NECTIN1: variants seen among roughly 807,000 people sequenced by gnomAD.
NECTIN1 encodes the protein nectin-1.
A neutral mutation model predicts 48.0 loss-of-function variants in NECTIN1; 23 were observed. That is an observed-to-expected ratio of 0.48 (90% CI 0.34 to 0.68). The LOEUF is 0.68. Ranked by LOEUF, NECTIN1 falls within the 30% of genes least tolerant of loss-of-function variation. The probability of loss-of-function intolerance (pLI) is 0.01; values close to 1 mark genes in which losing one functional copy is unlikely to be tolerated. For missense variants in NECTIN1, 591 were observed against 709.9 expected, an observed-to-expected ratio of 0.83 and a Z score of 1.90; for synonymous variants, 270 against 288.9, an observed-to-expected ratio of 0.93 and a Z score of 0.66.
At chr11:119,641,535 C>G (rs1864323101) in intron 5 of NECTIN1, 1 of 152,200 alleles carries the variant, frequency 6.6e-6, no homozygotes, top group African/African-American at 2.4e-5. Context: ...TCCTCTCATC[C>G]TCAGGTAGCT....
chr11:119,648,301 G>GTGGTGATGGTGGTGA lies in NECTIN1; in HGVS notation c.1004-8304_1004-8290dup, dbSNP rs1565376527. 3.9e-4 allele frequency among the ~76,000 whole-genome samples: 5 copies of GTGGTGATGGTGGTGA among 12,922 alleles called. 1 individual carries two copies. In the South Asian group the frequency reaches 0.012, roughly 30 times the overall value. The allele number at this position is 12,922 out of a possible 152,430, so 8.5% of individuals were successfully genotyped here. On this transcript the variant is annotated intron_variant, in intron 5 of 7. Coordinates refer to the NECTIN1 transcript ENST00000341398. ...GATGGTGGTGGTGATGGTGGTGGTGGTGGTGATGGTGGTGATGGTGATGGT... is the reference window on the plus strand; with the variant it reads ...GATGGTGGTGGTGATGGTGGTGGTGGTGGTGATGGTGGTGATGGTGATGGTGGTGATGGTGATGGT...
chr11:119,722,307 G>T (rs769392826), intron 1 of NECTIN1, among the ~76,000 whole-genome samples: 1 of 152,364 alleles, frequency 6.6e-6, no homozygotes, highest in South Asian at 2.1e-4. Flanking sequence ...AAAGGATTCA[G>T]TCTGTAACAG....
chr11:119,704,325 A>G (rs1332980990), intron 1 of NECTIN1, among the ~76,000 whole-genome samples: 2 of 151,972 alleles, frequency 1.3e-5, no homozygotes, highest in Non-Finnish European at 2.9e-5. Flanking sequence ...CAGGCGGGCA[A>G]TTCTCATGCC....
intron 1 of NECTIN1, among the ~76,000 whole-genome samples, chr11:119,706,607 A>G (rs565683715): frequency 5.3e-5 from 8 of 152,344 alleles, no homozygotes; most frequent in African/African-American, 1.9e-4. Flanking sequence ...GTCGATTTCA[A>G]ATAAACGGCA....
chr11:119,667,289 C>G (rs575487922), intron 5 of NECTIN1, among the ~76,000 whole-genome samples: 108 of 152,342 alleles, frequency 7.1e-4, no homozygotes, highest in Admixed American at 3.7e-3. Flanking sequence ...GCCTGCCCCC[C>G]TCCTCGGTTC....
intron 1 of NECTIN1, among the ~76,000 whole-genome samples, chr11:119,704,734 G>C (rs1191416183): frequency 6.6e-6 from 1 of 152,148 alleles, no homozygotes; most frequent in Admixed American, 6.5e-5. Context: ...CTTGGTGGAG[G>C]TGAGAATGCC....
At chr11:119,654,303 C>A (rs1195982054) in intron 5 of NECTIN1, 1 of 152,232 alleles carries the variant, frequency 6.6e-6, no homozygotes, top group Non-Finnish European at 1.5e-5. Context: ...ATCCAACCAT[C>A]CAACCCCCTC....
chr11:119,657,913 C>A (rs1000090388), downstream of NECTIN1, among the ~76,000 whole-genome samples: 4 of 122,870 alleles, frequency 3.3e-5, no homozygotes, highest in African/African-American at 1.2e-4. Flanking sequence ...AAACCAAGAC[C>A]CCGTCTCAAA....
intron 1 of NECTIN1, among the ~76,000 whole-genome samples, chr11:119,724,932 G>T (rs1266885009): frequency 2.0e-5 from 3 of 151,778 alleles, no homozygotes; most frequent in Admixed American, 1.3e-4. Context: ...TTTGTTTTTT[G>T]TTTTTTTTAA....
intron 1 of NECTIN1, chr11:119,713,627 A>G (rs1424466904): frequency 2.3e-5 from 7 of 307,260 alleles, no homozygotes; most frequent in Non-Finnish European, 4.6e-5. Context: ...CTGAACACCA[A>G]CCGCTACTCT....
chr11:119,674,995 GA>G (rs1864923011), intron 5 of NECTIN1, among the ~76,000 whole-genome samples, 163 bp downstream of exon 5: 3 of 152,204 alleles, frequency 2.0e-5, no homozygotes, highest in South Asian at 2.1e-4. Context: ...TTTAATGAAA[GA>G]AAGAGAAAAG....
exon 7 of NECTIN1, chr11:119,638,794 G>T (rs141709460): frequency 6.2e-7 from 1 of 1,613,806 alleles, no homozygotes; most frequent in African/African-American, 1.3e-5. Context: ...TCTGGGAGAG[G>T]GGCTGGTCGG....
At position 119,661,541 on chromosome 11, in the gene NECTIN1, C is replaced by A; in HGVS notation, c.*3206G>T. ...CCTGAGGCCTGGGAGCACTACCCTC[C>A]TCCCAGAAGAGGGGACATCCGTGTC... is the stretch of plus-strand genomic sequence containing the variant. On this transcript the variant is annotated 3_prime_UTR_variant, in exon 6 of 6. Coordinates refer to ENST00000264025, the MANE Select transcript of NECTIN1 (RefSeq NM_002855.5). 2.0e-6 allele frequency: 2 copies of A among 985,880 alleles called. No homozygotes were observed. The highest frequency in any genetic ancestry group is 2.4e-6 in the Non-Finnish European group (2 of 829,968). The allele number at this position is 985,880 out of a possible 1,614,324, so 61.1% of individuals were successfully genotyped here. A position where few individuals can be genotyped will look rare whatever the true frequency, so the allele number is the denominator to read the frequency against.
Position 119,683,573 on chromosome 11 carries a change from GGTGTGTGT to G in NECTIN1, c.80-4816_80-4809del, listed in dbSNP as rs66955603. ...AGAAACAGGGGCTTTGGGGATCCCG[GGTGTGTGT>G]GTGTGTGTGTGTGTGTGTGTGTGTG... is the stretch of plus-strand genomic sequence containing the variant. On this transcript the variant is annotated intron_variant, in intron 1 of 5. Coordinates refer to ENST00000264025, the MANE Select transcript of NECTIN1 (RefSeq NM_002855.5). The surrounding 1 kb of genome is among the most constrained non-coding windows in gnomAD (Gnocchi z 4.0). Among the ~76,000 whole-genome samples the G allele has an allele frequency of 4.4e-4, 63 of 143,550 alleles. No homozygotes were observed. Among genetic ancestry groups the G allele is most frequent in the Admixed American group, 1.1e-3 (16 of 14,478 alleles). 94.2% of individuals were successfully genotyped at this position (143,550 alleles called of 152,430 possible).
At position 119,662,111 on chromosome 11, in the gene NECTIN1, G is replaced by A. The variant is rs1333896257; in HGVS notation, c.*2636C>T. 2.0e-6 allele frequency: 2 copies of A among 985,394 alleles called. No homozygotes were observed. Among genetic ancestry groups the A allele is most frequent in the Non-Finnish European group, 2.4e-6 (2 of 829,950 alleles). 61.0% of individuals were successfully genotyped at this position (985,394 alleles called of 1,614,324 possible). A position where few individuals can be genotyped will look rare whatever the true frequency, so the allele number is the denominator to read the frequency against. The stretch of plus-strand genomic sequence containing the variant: ...AACAAGAGGCAGGATGACAACTGGG[G>A]AGGCCTTGGCACAATTCATACCAAG... On this transcript the variant is annotated 3_prime_UTR_variant, in exon 6 of 6. Transcript: ENST00000264025. This position sits in a 1 kb window ranked among gnomAD's most constrained non-coding sequence, Gnocchi z 5.3.
At chr11:119,717,914 A>T (rs1213787782) in intron 1 of NECTIN1, among the ~76,000 whole-genome samples, 3 of 152,226 alleles carry the variant, frequency 2.0e-5, no homozygotes, top group African/African-American at 7.2e-5. Context: ...GGGCAGATCC[A>T]GCCCCAGGAG....
rs1565381846 is a variant in NECTIN1 at position 119,663,030 on chromosome 11, A to AGGGGAG, written c.*1716_*1717insCTCCCC. ...ATAGCAGCACCAGGGAGGGGAGGGG[A>AGGGGAG]GGGGTTGGGGGGCTCCCTTAGGAAG... On this transcript the variant is annotated 3_prime_UTR_variant, in exon 6 of 6. Transcript: ENST00000264025. 1 of 461,614 alleles carries AGGGGAG rather than the reference A, an allele frequency of 2.2e-6. No individual in the cohort carries two copies. The highest frequency in any genetic ancestry group is 4.0e-5 in the African/African-American group (1 of 25,244). The allele number at this position is 461,614 out of a possible 1,614,324, so 28.6% of individuals were successfully genotyped here.
chr11:119,677,726 G>C lies in NECTIN1; in HGVS notation c.562C>G (p.Arg188Gly), dbSNP rs375316129. The C allele has an allele frequency of 6.2e-6, 10 of 1,614,126 alleles. No homozygotes were observed. The highest frequency in any genetic ancestry group is 1.3e-5 in the African/African-American group (1 of 75,028). ...KPPSVVSWET[R>G]LKGEAEYQEI... The stretch of plus-strand genomic sequence containing the variant: ...TGGTACTCTGCCTCACCTTTTAACC[G>C]AGTTTCCCAGGATACCACACTGGGA... The change falls in exon 3 of 6, where the codon CGG becomes GGG. Residue 188 changes from arginine to glycine, a missense_variant. Arg to Gly is a moderately radical substitution (Grantham distance 125). Transcript: ENST00000264025. This position sits in a 1 kb window ranked among gnomAD's most constrained non-coding sequence, Gnocchi z 5.4.
intron 4 of NECTIN1, among the ~76,000 whole-genome samples, chr11:119,676,134 A>G (rs1488671866): frequency 2.6e-5 from 4 of 152,220 alleles, no homozygotes; most frequent in African/African-American, 9.6e-5. Flanking sequence ...GATAGGAAGT[A>G]TGTTCCATTC....
Sources: allele counts gnomAD v4.1 joint callset (sites outside exome capture counted in the v4.1 genomes callset), GRCh38; gene constraint gnomAD v4.1.1; non-coding constraint Gnocchi (gnomAD v3.1); transcripts MANE v1.5; gene names NCBI Gene and HGNC (gene_info 2026-07-23, HGNC 2026-07-21).